The following NELL1 variants were observed in gnomAD, a reference collection of about 807,000 sequenced individuals.
NELL1 encodes the protein neural EGFL like 1, also known as protein kinase C-binding protein NELL1.
Under a neutral mutation model 107.4 loss-of-function variants are expected in NELL1, and 76 were observed. The ratio of observed to expected loss-of-function variants is 0.71; its 90% CI spans 0.59 to 0.86. The LOEUF (loss-of-function observed/expected upper bound fraction) is 0.86, where lower values mean the gene tolerates loss of function less well. Among genes scored for constraint, NELL1 ranks in the 40% least tolerant of loss-of-function variants. The pLI, the probability that NELL1 is intolerant of heterozygous loss-of-function variation, is 0.00. For missense variants in NELL1, 1,024 were observed against 1,005.5 expected, an observed-to-expected ratio of 1.02 and a Z score of -0.25; for synonymous variants, 353 against 341.2, an observed-to-expected ratio of 1.03 and a Z score of -0.38.
At chr11:21,042,864 A>T (rs1480178630) in intron 12 of NELL1, among the ~76,000 whole-genome samples, 2 of 152,096 alleles carry the variant, frequency 1.3e-5, no homozygotes, top group Non-Finnish European at 2.9e-5. Flanking sequence ...TAGCTGTATG[A>T]TACAGAATAT....
At chr11:21,022,318 C>A (rs182434254) in intron 12 of NELL1, among the ~76,000 whole-genome samples, 3 of 152,144 alleles carry the variant, frequency 2.0e-5, no homozygotes, top group Admixed American at 2.0e-4. Context: ...ATTAACAGAA[C>A]CCTGTTTCAC....
Position 21,422,095 on chromosome 11 carries a change from ATGTGTGTGTG to A in NELL1, c.1645+51167_1645+51176del, listed in dbSNP as rs58034116. On this transcript the variant is annotated intron_variant, in intron 15 of 19. Coordinates refer to ENST00000357134, the MANE Select transcript of NELL1 (RefSeq NM_006157.5). ...GGAGGAAATTAAGACATTTACACATATGTGTGTGTGTGTGTGTGTGTGTGTGTGTACACAC... is the reference window on the plus strand; with the variant it reads ...GGAGGAAATTAAGACATTTACACATATGTGTGTGTGTGTGTGTGTACACAC... 4.1e-4 allele frequency among the ~76,000 whole-genome samples: 48 copies of A among 118,456 alleles called. No homozygotes were observed. The East Asian group carries it at 7.0e-3, about 17-fold the overall frequency. The allele number at this position is 118,456 out of a possible 152,430, so 77.7% of individuals were successfully genotyped here.
At chr11:21,202,700 T>C (rs1315895994) in intron 13 of NELL1, among the ~76,000 whole-genome samples, 8 of 152,204 alleles carry the variant, frequency 5.3e-5, no homozygotes, top group Non-Finnish European at 1.5e-5. Context: ...CTTCTCTAGT[T>C]CATTTAATTG....
At chr11:20,812,004 T>A (rs1445620908) in intron 3 of NELL1, among the ~76,000 whole-genome samples, 2 of 152,192 alleles carry the variant, frequency 1.3e-5, no homozygotes, top group African/African-American at 4.8e-5. Context: ...TTGTCCAGAT[T>A]ATCTTGTTCC....
In NELL1 at chr11:21,161,000, TACACACACACACAC is replaced by T. The variant is rs72029062; in HGVS notation, c.1426+47316_1426+47329del. Among the ~76,000 whole-genome samples the T allele has an allele frequency of 3.3e-3, 471 of 143,240 alleles. 7 individuals are homozygous for T. In the East Asian group the frequency reaches 0.039, roughly 12 times the overall value. 94.0% of individuals were successfully genotyped at this position (143,240 alleles called of 152,430 possible). A position where few individuals can be genotyped will look rare whatever the true frequency, so the allele number is the denominator to read the frequency against. On this transcript the variant is annotated intron_variant, in intron 13 of 19. Transcript: ENST00000357134. ...GGTTTTAACCTCTTGCTAGCCTTTA[TACACACACACACAC>T]ACACACACACACACACACACACACA... is the stretch of plus-strand genomic sequence containing the variant.
In NELL1 at chr11:21,378,717, A is replaced by ATT. The variant is rs11306401; in HGVS notation, c.1645+7786_1645+7787dup. ...AAGACTTAGACACACACACTTGTAC[A>ATT]TTTTTTTTTTTTTTTTTTGAGACAG... On this transcript the variant is annotated intron_variant, in intron 15 of 19. Coordinates refer to ENST00000357134, the MANE Select transcript of NELL1 (RefSeq NM_006157.5). Among the ~76,000 whole-genome samples the ATT allele has an allele frequency of 1.0e-3, 137 of 136,678 alleles. 1 individual carries two copies. The highest frequency in any genetic ancestry group is 3.3e-3 in the African/African-American group (120 of 36,778). The allele number at this position is 136,678 out of a possible 152,430, so 89.7% of individuals were successfully genotyped here. A position where few individuals can be genotyped will look rare whatever the true frequency, so the allele number is the denominator to read the frequency against.
chr11:20,986,594 T>C (rs1321454508), intron 12 of NELL1, among the ~76,000 whole-genome samples: 1 of 152,166 alleles, frequency 6.6e-6, no homozygotes, highest in Non-Finnish European at 1.5e-5. Flanking sequence ...TCTGATTCAT[T>C]AGGTCTCAGG....
intron 5 of NELL1, among the ~76,000 whole-genome samples, chr11:20,888,614 C>T (rs1318585205): frequency 6.6e-6 from 1 of 151,800 alleles, no homozygotes; most frequent in East Asian, 1.9e-4. Flanking sequence ...ACTGAAAGAA[C>T]AATGAAATAA....
chr11:20,851,922 A>G (rs760224925), intron 4 of NELL1, among the ~76,000 whole-genome samples: 2 of 152,212 alleles, frequency 1.3e-5, no homozygotes, highest in South Asian at 2.1e-4. Flanking sequence ...ATAACTCGCA[A>G]TGGCAGCTGA....
chr11:20,939,802 G>T (rs533449073), intron 10 of NELL1, among the ~76,000 whole-genome samples: 3 of 152,172 alleles, frequency 2.0e-5, no homozygotes, highest in Non-Finnish European at 4.4e-5. Flanking sequence ...CATTCAGGAG[G>T]AGGAACATGT....
intron 2 of NELL1, among the ~76,000 whole-genome samples, chr11:20,760,253 T>C (rs1252715556): frequency 1.3e-5 from 2 of 152,236 alleles, no homozygotes; most frequent in Non-Finnish European, 2.9e-5. Flanking sequence ...TTTTGCACCA[T>C]CAGTGAAAGA....
intron 3 of NELL1, among the ~76,000 whole-genome samples, chr11:20,786,960 A>G (rs142976505): frequency 8.0e-6 from 1 of 125,006 alleles, no homozygotes; most frequent in African/African-American, 2.9e-5. Context: ...GTGAGCCGAG[A>G]TGGCGCCACT....
At chr11:21,269,121 A>T (rs1362164664) in intron 14 of NELL1, among the ~76,000 whole-genome samples, 1 of 152,128 alleles carries the variant, frequency 6.6e-6, no homozygotes, top group Non-Finnish European at 1.5e-5. Context: ...AAAGAAAAAG[A>T]AAACTGAGAA....
chr11:21,295,546 TAAG>T (rs1328737798), intron 14 of NELL1, among the ~76,000 whole-genome samples: 2 of 152,058 alleles, frequency 1.3e-5, no homozygotes, highest in African/African-American at 4.8e-5. Context: ...ATTTTGCAAG[TAAG>T]AAGAGGATTT....
intron 16 of NELL1, among the ~76,000 whole-genome samples, chr11:21,535,306 T>C (rs1856106723): frequency 6.6e-6 from 1 of 152,206 alleles, no homozygotes; most frequent in Non-Finnish European, 1.5e-5. Flanking sequence ...AGTTGAATTC[T>C]TAATGCTGAT....
intron 9 of NELL1, among the ~76,000 whole-genome samples, chr11:20,935,286 T>C (rs1243201701): frequency 6.6e-6 from 1 of 152,040 alleles, no homozygotes; most frequent in African/African-American, 2.4e-5. Flanking sequence ...GATTAACCAG[T>C]GTTAAAGGGT....
At chr11:21,541,650 G>C (rs1334592809) in intron 16 of NELL1, among the ~76,000 whole-genome samples, 4 of 152,008 alleles carry the variant, frequency 2.6e-5, no homozygotes, top group Non-Finnish European at 4.4e-5. Context: ...TAATGGAGAG[G>C]GGTTTTAAGG....
At chr11:21,028,667 C>T in intron 12 of NELL1, among the ~76,000 whole-genome samples, 1 of 151,906 alleles carries the variant, frequency 6.6e-6, no homozygotes, top group East Asian at 1.9e-4. Context: ...TTAACGTTAC[C>T]TTTCTTCTTT....
intron 15 of NELL1, among the ~76,000 whole-genome samples, chr11:21,460,172 G>A (rs1853864071): frequency 1.3e-5 from 2 of 151,844 alleles, no homozygotes; most frequent in African/African-American, 2.4e-5. Context: ...ACCAGAAATG[G>A]ACAAAAGAAC....
Sources: gnomAD v4.1 joint callset for allele counts (sites outside exome capture counted in the v4.1 genomes callset) on GRCh38, gnomAD v4.1.1 for gene constraint, MANE v1.5 for transcripts, NCBI Gene and HGNC (gene_info 2026-07-23, HGNC 2026-07-21) for gene names.